The following DNM3 variants were observed in gnomAD, a reference collection of about 807,000 sequenced individuals.
DNM3 encodes the protein dynamin-3.
A neutral mutation model predicts 101.6 loss-of-function variants in DNM3; 47 were observed. The observed-to-expected ratio is 0.46, with a 90% CI of 0.37 to 0.59. The LOEUF (loss-of-function observed/expected upper bound fraction) is 0.59, where lower values mean the gene tolerates loss of function less well. Ranked by LOEUF, DNM3 falls within the 20% of genes least tolerant of loss-of-function variation. The probability of loss-of-function intolerance (pLI) is 0.00; values close to 1 mark genes in which losing one functional copy is unlikely to be tolerated. For synonymous variants in DNM3, 385 were observed against 387.9 expected (o/e 0.99, Z 0.09); for missense variants, 849 against 1,085.7 (o/e 0.78, Z 3.06).
At chr1:171,907,904 A>C (rs769923159) in intron 1 of DNM3, among the ~76,000 whole-genome samples, 19 of 152,218 alleles carry the variant, frequency 1.2e-4, no homozygotes, top group Non-Finnish European at 2.2e-4. Context: ...CAGAATTGGA[A>C]TATATCTAAA....
intron 14 of DNM3, among the ~76,000 whole-genome samples, chr1:172,195,352 A>G (rs763527180): frequency 6.6e-6 from 1 of 151,876 alleles, no homozygotes; most frequent in African/African-American, 2.4e-5. Context: ...CTACATACAC[A>G]ATTATGGCAC....
At chr1:171,850,425 A>AC (rs1309585965) in intron 1 of DNM3, among the ~76,000 whole-genome samples, 4 of 152,054 alleles carry the variant, frequency 2.6e-5, no homozygotes. Context: ...GAGGTTTAGA[A>AC]CCCTGTATAT....
chr1:171,896,422 A>G (rs1355674964), intron 1 of DNM3, among the ~76,000 whole-genome samples: 3 of 152,216 alleles, frequency 2.0e-5, no homozygotes, highest in Admixed American at 2.0e-4. Flanking sequence ...GAGTTCACTC[A>G]TGATTTGGCT....
chr1:172,259,492 C>G (rs1420036395), intron 15 of DNM3, among the ~76,000 whole-genome samples: 1 of 152,052 alleles, frequency 6.6e-6, no homozygotes, highest in African/African-American at 2.4e-5. Flanking sequence ...ACTGACACCT[C>G]TTTCATTATA....
At chr1:171,855,467 A>G (rs1571262510) in intron 1 of DNM3, among the ~76,000 whole-genome samples, 1 of 152,264 alleles carries the variant, frequency 6.6e-6, no homozygotes, top group East Asian at 1.9e-4. Flanking sequence ...CCTTTCCGCA[A>G]TGGTTGAACT....
intron 15 of DNM3, among the ~76,000 whole-genome samples, chr1:172,300,862 T>A (rs1263623544): frequency 6.6e-6 from 1 of 152,188 alleles, no homozygotes; most frequent in Non-Finnish European, 1.5e-5. Context: ...GAGTGAAAGG[T>A]GTCCAAAATA....
chr1:172,052,215 C>A (rs2125874860), intron 10 of DNM3, among the ~76,000 whole-genome samples: 1 of 152,242 alleles, frequency 6.6e-6, no homozygotes, highest in Non-Finnish European at 1.5e-5. Flanking sequence ...TATTCACAGC[C>A]ACACCCCCTT....
At chr1:172,348,924 G>A (rs185904425) in intron 17 of DNM3, among the ~76,000 whole-genome samples, 7 of 152,156 alleles carry the variant, frequency 4.6e-5, no homozygotes, top group African/African-American at 1.7e-4. Flanking sequence ...CTGAAAAGGT[G>A]CAGCCAGTCC....
rs796456771 is a variant in DNM3, at chr1:171,883,478, CT to C, written c.162-38259del. On this transcript the variant is annotated intron_variant, in intron 1 of 20. Coordinates refer to ENST00000627582, the MANE Select transcript of DNM3 (RefSeq NM_015569.5). ...TGATTCCTCTTTTTCTTTTTTCTTTCTTTTTTTTTTTGAGATGGAGTCTCAC... is the reference window on the plus strand; with the variant it reads ...TGATTCCTCTTTTTCTTTTTTCTTTCTTTTTTTTTTGAGATGGAGTCTCAC... 3.0e-3 allele frequency among the ~76,000 whole-genome samples: 417 copies of C among 139,564 alleles called. 1 individual carries two copies. Among genetic ancestry groups the C allele is most frequent in the African/African-American group, 9.2e-3 (351 of 38,308 alleles). 91.6% of individuals were successfully genotyped at this position (139,564 alleles called of 152,430 possible).
At chr1:172,045,391 G>A (rs1222129139) in intron 9 of DNM3, among the ~76,000 whole-genome samples, 1 of 152,102 alleles carries the variant, frequency 6.6e-6, no homozygotes, top group East Asian at 1.9e-4. Flanking sequence ...TTTCTGGCCT[G>A]CACAGTGCTG....
At chr1:172,258,873 T>A (rs758176571) in intron 15 of DNM3, among the ~76,000 whole-genome samples, 2 of 152,060 alleles carry the variant, frequency 1.3e-5, no homozygotes, top group Non-Finnish European at 2.9e-5. Flanking sequence ...TTTCTTTTGA[T>A]GTAGGCAATT....
intron 13 of DNM3, among the ~76,000 whole-genome samples, chr1:172,099,178 G>C (rs2147865284): frequency 6.6e-6 from 1 of 152,320 alleles, no homozygotes; most frequent in East Asian, 1.9e-4. Flanking sequence ...AGCTTTAATT[G>C]ATGTATTAAT....
chr1:172,387,400 G>A (rs1232056924), intron 19 of DNM3, 41 bp downstream of exon 19: 24 of 1,541,512 alleles, frequency 1.6e-5, no homozygotes, highest in South Asian at 9.2e-5. Flanking sequence ...GCTCGCTCCT[G>A]TAATCCCAGC....
intron 14 of DNM3, among the ~76,000 whole-genome samples, chr1:172,228,868 C>A (rs12073843): frequency 0.17 from 25,286 of 152,002 alleles, 2,484 homozygotes; most frequent in East Asian, 0.28. Flanking sequence ...GGAGTGCAGT[C>A]CCACAAGTTG....
At position 172,049,603 on chromosome 1, in the gene DNM3, A is replaced by G. The variant is rs74123786; in HGVS notation, c.1335+853A>G. 3.1e-3 allele frequency among the ~76,000 whole-genome samples: 470 copies of G among 152,252 alleles called. 5 individuals are homozygous for G. The highest frequency in any genetic ancestry group is 0.01 in the African/African-American group (431 of 41,554). On this transcript the variant is annotated intron_variant, in intron 10 of 20. Transcript: ENST00000627582. ...TGAAAAGAATATCTTGTATTGAAAA[A>G]CACAAAAAGAGAATTAGTGATGGTA...
intron 1 of DNM3, among the ~76,000 whole-genome samples, chr1:171,908,377 T>C (rs2039002109): frequency 6.6e-6 from 1 of 152,226 alleles, no homozygotes; most frequent in Admixed American, 6.5e-5. Flanking sequence ...AAAAGTAATA[T>C]AGATTAGGTT....
intron 2 of DNM3, among the ~76,000 whole-genome samples, chr1:171,986,240 C>A (rs1035821134): frequency 7.2e-5 from 11 of 152,046 alleles, no homozygotes; most frequent in East Asian, 3.9e-4. Flanking sequence ...AGCTTAAAAT[C>A]ATCTTTTCTA....
chr1:172,066,511 C>G (rs1354904407), intron 10 of DNM3, among the ~76,000 whole-genome samples: 1 of 152,076 alleles, frequency 6.6e-6, no homozygotes, highest in East Asian at 1.9e-4. Context: ...ACCTATTAAT[C>G]CATTAGTCCA....
chr1:172,216,389 G>A (rs1351588433), intron 14 of DNM3, among the ~76,000 whole-genome samples: 27 of 152,064 alleles, frequency 1.8e-4, no homozygotes, highest in Admixed American at 1.8e-3. Flanking sequence ...ATTAACCAGT[G>A]AGTATTGATC....
Sources: gnomAD v4.1 joint callset for allele counts (sites outside exome capture counted in the v4.1 genomes callset) on GRCh38, gnomAD v4.1.1 for gene constraint, MANE v1.5 for transcripts, NCBI Gene and HGNC (gene_info 2026-07-23, HGNC 2026-07-21) for gene names.